C8B: variants seen among roughly 807,000 people sequenced by gnomAD.
The protein encoded by C8B is complement C8 beta chain.
C8B carries 67 observed loss-of-function variants against 64.6 expected under a neutral mutation model. That is an observed-to-expected ratio of 1.04 (90% CI 0.85 to 1.27). The LOEUF (loss-of-function observed/expected upper bound fraction) is 1.27, where lower values mean the gene tolerates loss of function less well. C8B is among the 50% of genes most tolerant of loss of function. The probability of loss-of-function intolerance (pLI) is 0.00; values close to 1 mark genes in which losing one functional copy is unlikely to be tolerated. For synonymous variants in C8B, 284 were observed against 257.7 expected, an observed-to-expected ratio of 1.10 and a Z score of -0.98; for missense variants, 790 against 725.2, an observed-to-expected ratio of 1.09 and a Z score of -1.03.
chr1:56,944,460 A>AG (rs1644912872), intron 7 of C8B, among the ~76,000 whole-genome samples: 1 of 152,158 alleles, frequency 6.6e-6, no homozygotes, highest in African/African-American at 2.4e-5. Context: ...TTTGACCACC[A>AG]GGGCTGTCTA....
chr1:56,953,411 T>C (rs1240867894), intron 4 of C8B, among the ~76,000 whole-genome samples: 1 of 152,230 alleles, frequency 6.6e-6, no homozygotes, highest in African/African-American at 2.4e-5. Flanking sequence ...TTACACACAA[T>C]GGCTCATTTA....
At chr1:56,949,424 C>A in intron 6 of C8B, 131 bp downstream of exon 6, 1 of 873,196 alleles carries the variant, frequency 1.1e-6, no homozygotes, top group Admixed American at 2.1e-5. Flanking sequence ...CTTGGACTTC[C>A]CAGCCTCCAG....
At chr1:56,931,668 G>T in intron 11 of C8B, 142 bp downstream of exon 11, 1 of 664,406 alleles carries the variant, frequency 1.5e-6, no homozygotes, top group Non-Finnish European at 2.8e-6. Flanking sequence ...GATGGAGATG[G>T]AATTTCAATC....
At chr1:56,930,503 A>G (rs1426600205) in intron 11 of C8B, among the ~76,000 whole-genome samples, 2 of 152,206 alleles carry the variant, frequency 1.3e-5, no homozygotes, top group Non-Finnish European at 1.5e-5. Context: ...CTGCAGACTC[A>G]CTGGGAAGAT....
chr1:56,958,102 G>A (rs950608664), intron 2 of C8B, among the ~76,000 whole-genome samples: 3 of 152,088 alleles, frequency 2.0e-5, no homozygotes, highest in African/African-American at 7.2e-5. Context: ...GTAGGAGAGT[G>A]GCCAGAGTGG....
chr1:56,941,552 A>AG (rs1644863828), intron 8 of C8B, among the ~76,000 whole-genome samples: 2 of 150,650 alleles, frequency 1.3e-5, no homozygotes, highest in African/African-American at 2.5e-5. Flanking sequence ...ATAGATAGAT[A>AG]ATAGACAGAC....
intron 6 of C8B, among the ~76,000 whole-genome samples, chr1:56,948,443 G>T (rs1406279731): frequency 6.6e-6 from 1 of 152,108 alleles, no homozygotes; most frequent in Non-Finnish European, 1.5e-5. Context: ...AGGGGAATAT[G>T]CCATTAACAT....
At chr1:56,941,134 G>T in intron 8 of C8B, 122 bp from the exon 9 acceptor site, 2 of 1,103,350 alleles carry the variant, frequency 1.8e-6, no homozygotes, top group Non-Finnish European at 2.7e-6. Context: ...AGATGTGGGT[G>T]GACCAGACAC....
At chr1:56,933,999 G>A (rs571958932) in intron 9 of C8B, among the ~76,000 whole-genome samples, 1 of 152,090 alleles carries the variant, frequency 6.6e-6, no homozygotes, top group Non-Finnish European at 1.5e-5. Flanking sequence ...TTCCCATCCT[G>A]CAAGAGTCAC....
intron 5 of C8B, among the ~76,000 whole-genome samples, chr1:56,951,298 G>A (rs566834269): frequency 2.0e-5 from 3 of 152,130 alleles, no homozygotes; most frequent in East Asian, 3.9e-4. Context: ...TTCTAGTCTC[G>A]TCCCCCAGTT....
At chr1:56,964,926 G>A (rs867625033) in intron 1 of C8B, among the ~76,000 whole-genome samples, 1 of 152,210 alleles carries the variant, frequency 6.6e-6, no homozygotes, top group Non-Finnish European at 1.5e-5. Flanking sequence ...GCTAAATGGA[G>A]TTTCTTGATC....
intron 2 of C8B, among the ~76,000 whole-genome samples, chr1:56,958,810 C>A (rs574751686): frequency 1.3e-5 from 2 of 152,308 alleles, no homozygotes; most frequent in Admixed American, 6.5e-5. Flanking sequence ...AATGATCCAC[C>A]TTGGCTCTCT....
chr1:56,959,966 G>C, intron 2 of C8B, 54 bp downstream of exon 2: 1 of 1,605,092 alleles, frequency 6.2e-7, no homozygotes, highest in Non-Finnish European at 8.5e-7. Flanking sequence ...AGCCGATCTT[G>C]CTGGGGACAA....
intron 11 of C8B, among the ~76,000 whole-genome samples, chr1:56,931,355 A>G (rs1207439125): frequency 6.6e-6 from 1 of 152,218 alleles, no homozygotes; most frequent in East Asian, 1.9e-4. Flanking sequence ...AGATAGATAC[A>G]TCAACCCAAA....
chr1:56,950,299 A>C (rs976235463), intron 5 of C8B, among the ~76,000 whole-genome samples: 4 of 152,192 alleles, frequency 2.6e-5, no homozygotes, highest in Admixed American at 6.5e-5. Flanking sequence ...ATTTAGAGTC[A>C]GAGAGACAAA....
At chr1:56,937,290 G>A (rs1644788891) in intron 9 of C8B, among the ~76,000 whole-genome samples, 1 of 152,170 alleles carries the variant, frequency 6.6e-6, no homozygotes, top group Non-Finnish European at 1.5e-5. Context: ...GGGAGCACAC[G>A]ACAAGACGCA....
At chr1:56,954,857 C>T (rs1410394394) in intron 3 of C8B, 30 bp from the exon 4 acceptor site, 3 of 1,613,902 alleles carry the variant, frequency 1.9e-6, no homozygotes, top group Non-Finnish European at 2.5e-6. Flanking sequence ...TTACCCACAG[C>T]CACATGGTTG....
At chr1:56,957,185 A>T (rs1645116259) in intron 2 of C8B, among the ~76,000 whole-genome samples, 1 of 152,208 alleles carries the variant, frequency 6.6e-6, no homozygotes, top group Non-Finnish European at 1.5e-5. Context: ...TGCAGTGATC[A>T]GTCAAGATTT....
intron 8 of C8B, among the ~76,000 whole-genome samples, chr1:56,941,521 G>GATAC (rs756516460): frequency 7.7e-6 from 1 of 129,998 alleles, no homozygotes; most frequent in Non-Finnish European, 1.6e-5. Context: ...TAGATAGATA[G>GATAC]ATAGATAGAT....
Sources: gnomAD v4.1 joint callset for allele counts (sites outside exome capture counted in the v4.1 genomes callset) on GRCh38, gnomAD v4.1.1 for gene constraint, MANE v1.5 for transcripts, NCBI Gene and HGNC (gene_info 2026-07-23, HGNC 2026-07-21) for gene names.